Variants in TENM3 observed in about 807,000 individuals in gnomAD.
TENM3 encodes the protein teneurin-3.
Under a neutral mutation model 255.1 loss-of-function variants are expected in TENM3, and 63 were observed. That is an observed-to-expected ratio of 0.25 (90% CI 0.20 to 0.30). The LOEUF is 0.30. Among genes scored for constraint, TENM3 ranks in the 10% least tolerant of loss-of-function variants. The pLI, the probability that TENM3 is intolerant of heterozygous loss-of-function variation, is 1.00. For synonymous variants in TENM3, 1,306 were observed against 1,322.3 expected (o/e 0.99, Z 0.27); for missense variants, 2,929 against 3,461.1 (o/e 0.85, Z 3.86).
At chr4:182,463,873 CGGCCTCCCAAG>C (rs553839984) in intron 3 of TENM3, among the ~76,000 whole-genome samples, 4 of 152,112 alleles carry the variant, frequency 2.6e-5, no homozygotes, top group African/African-American at 9.6e-5. Flanking sequence ...CCACCCGCCT[CGGCCTCCCAAG>C]GTGCTGAGAT....
At chr4:181,651,638 C>T in the TENM3 span, among the ~76,000 whole-genome samples, 2 of 151,684 alleles carry the variant, frequency 1.3e-5, no homozygotes, top group Non-Finnish European at 2.9e-5. Context: ...GTAACCTATA[C>T]TAGGCATAGA....
At chr4:182,437,625 A>G (rs943360732) in intron 3 of TENM3, among the ~76,000 whole-genome samples, 1 of 152,096 alleles carries the variant, frequency 6.6e-6, no homozygotes, top group Non-Finnish European at 1.5e-5. Context: ...GTGAAACTCC[A>G]TCTCCACTAA....
chr4:182,635,318 C>T (rs969275472), intron 5 of TENM3, among the ~76,000 whole-genome samples: 1 of 152,150 alleles, frequency 6.6e-6, no homozygotes, highest in Non-Finnish European at 1.5e-5. Context: ...TTTAAATATA[C>T]GGTCCAATGG....
chr4:182,445,395 T>C (rs1772834426), intron 3 of TENM3, among the ~76,000 whole-genome samples: 2 of 152,236 alleles, frequency 1.3e-5, no homozygotes, highest in African/African-American at 4.8e-5. Context: ...ATCTATTTAG[T>C]ATAGCTATGA....
chr4:182,760,464 G>A (rs555143634), intron 22 of TENM3, among the ~76,000 whole-genome samples: 2 of 152,200 alleles, frequency 1.3e-5, no homozygotes, highest in Admixed American at 6.5e-5. Flanking sequence ...ATATCTAGAG[G>A]CTCTTCTGTC....
chr4:181,900,970 A>C, the TENM3 span, among the ~76,000 whole-genome samples: 1 of 152,194 alleles, frequency 6.6e-6, no homozygotes, highest in Non-Finnish European at 1.5e-5. Flanking sequence ...TCTCCAAGGC[A>C]GGTAGACTTC....
rs1361182705 is a variant in TENM3 at position 182,789,756 on chromosome 4, A to G, written c.5601+367A>G. On this transcript the variant is annotated intron_variant, in intron 25 of 27. Coordinates refer to ENST00000511685, the MANE Select transcript of TENM3 (RefSeq NM_001080477.4). The surrounding 1 kb of genome is among the most constrained non-coding windows in gnomAD (Gnocchi z 4.4). Reference sequence around the variant, plus strand: ...TCTTCCATTTAAGAGAGAGCCTTACATTAGCACAGTTAAAGCTGTCAGCTT... The same window carrying G: ...TCTTCCATTTAAGAGAGAGCCTTACGTTAGCACAGTTAAAGCTGTCAGCTT... 6.6e-6 allele frequency among the ~76,000 whole-genome samples: 1 copy of G among 152,256 alleles called. No homozygotes were observed. The highest frequency in any genetic ancestry group is 2.4e-5 in the African/African-American group (1 of 41,456).
Position 182,260,488 on chromosome 4 carries a change from A to G in TENM3, c.-76+17012A>G, listed in dbSNP as rs185836194. ...ACTCCACATAGCCAACTTAATAATA[A>G]CCTACTGTAGTAAATTTATTACCTA... On this transcript the variant is annotated intron_variant, in intron 1 of 27. Coordinates refer to ENST00000511685, the MANE Select transcript of TENM3 (RefSeq NM_001080477.4). 2.1e-3 allele frequency among the ~76,000 whole-genome samples: 315 copies of G among 152,242 alleles called. 3 individuals carry two copies. Among genetic ancestry groups the G allele is most frequent in the African/African-American group, 7.4e-3 (306 of 41,502 alleles).
chr4:182,164,657 G>C (rs1015864550), intron 1 of TENM3, among the ~76,000 whole-genome samples: 3 of 152,140 alleles, frequency 2.0e-5, no homozygotes, highest in African/African-American at 7.2e-5. Flanking sequence ...TTTTCCACTT[G>C]ATTGTCATGC....
intron 14 of TENM3, 62 bp downstream of exon 14, chr4:182,729,243 T>C (rs1760484123): frequency 8.7e-6 from 12 of 1,374,366 alleles, no homozygotes; most frequent in Middle Eastern, 2.0e-4. Flanking sequence ...CATACACTTA[T>C]GTGAAATACT....
At chr4:182,094,571 G>C in the TENM3 span, among the ~76,000 whole-genome samples, 1 of 152,152 alleles carries the variant, frequency 6.6e-6, no homozygotes, top group African/African-American at 2.4e-5. Context: ...TAAAGTTCAA[G>C]AAAACTAATT....
At chr4:182,699,609 C>A (rs1757689951) in intron 12 of TENM3, among the ~76,000 whole-genome samples, 1 of 152,060 alleles carries the variant, frequency 6.6e-6, no homozygotes, top group Admixed American at 6.6e-5. Flanking sequence ...TGTATTCATG[C>A]CTGTGGTTTC....
chr4:182,744,817 C>T (rs934274209), intron 19 of TENM3, among the ~76,000 whole-genome samples: 3 of 152,004 alleles, frequency 2.0e-5, no homozygotes, highest in East Asian at 1.9e-4. Context: ...AAGTGAAGGA[C>T]GAATATAGTT....
At chr4:182,169,352 C>G (rs931724077) in intron 1 of TENM3, 1 of 471,526 alleles carries the variant, frequency 2.1e-6, no homozygotes, top group South Asian at 1.6e-5. Flanking sequence ...CTTTTCAACT[C>G]TAATGGGAGA....
At chr4:182,110,207 T>C in the TENM3 span, among the ~76,000 whole-genome samples, 1 of 152,138 alleles carries the variant, frequency 6.6e-6, no homozygotes, top group East Asian at 1.9e-4. Flanking sequence ...ATCTATGCCT[T>C]GTCTACGGTT....
chr4:181,869,779 T>G, the TENM3 span, among the ~76,000 whole-genome samples: 1 of 152,118 alleles, frequency 6.6e-6, no homozygotes, highest in Non-Finnish European at 1.5e-5. Flanking sequence ...GGGATTTGTG[T>G]CTAAATTAGT....
At chr4:182,239,851 A>T (rs531204258), upstream of TENM3, among the ~76,000 whole-genome samples, 1 of 152,346 alleles carries the variant, frequency 6.6e-6, no homozygotes, top group East Asian at 1.9e-4. Flanking sequence ...GAAGAAACAA[A>T]AATTGATTAG....
the TENM3 span, among the ~76,000 whole-genome samples, chr4:181,902,735 A>AT: frequency 1.3e-5 from 2 of 151,850 alleles, no homozygotes; most frequent in Non-Finnish European, 2.9e-5. Flanking sequence ...GAGCACAGGG[A>AT]GGGGAACATT....
intron 5 of TENM3, among the ~76,000 whole-genome samples, chr4:182,636,521 G>T (rs1211413580): frequency 6.6e-6 from 1 of 152,054 alleles, no homozygotes; most frequent in Admixed American, 6.6e-5. Context: ...TTCAAGACCA[G>T]CCTGGCCAGC....
Sources: gnomAD v4.1 joint callset for allele counts (sites outside exome capture counted in the v4.1 genomes callset) on GRCh38, gnomAD v4.1.1 for gene constraint, Gnocchi (gnomAD v3.1) non-coding constraint, MANE v1.5 for transcripts, NCBI Gene and HGNC (gene_info 2026-07-23, HGNC 2026-07-21) for gene names.